GDA: variants seen among roughly 807,000 people sequenced by gnomAD.
GDA encodes the protein cytoplasmic PSD-95 interactor.
In GDA, 18 loss-of-function variants were observed where a neutral mutation model predicts 59.6. That is an observed-to-expected ratio of 0.30 (90% CI 0.21 to 0.45). The LOEUF is 0.45. Among genes scored for constraint, GDA ranks in the 20% least tolerant of loss-of-function variants. GDA has a pLI of 1.00. For missense variants in GDA, 427 were observed against 552.3 expected (o/e 0.77, Z 2.27); for synonymous variants, 201 against 201.1 (o/e 1.00, Z 0.00).
At chr9:72,145,240 A>G (rs764152426), upstream of GDA, among the ~76,000 whole-genome samples, 56 of 152,184 alleles carry the variant, frequency 3.7e-4, no homozygotes, top group Admixed American at 6.5e-4. Context: ...AAAACCATGT[A>G]CAATGTGAAA....
intron 1 of GDA, among the ~76,000 whole-genome samples, chr9:72,178,558 C>T (rs961883321): frequency 5.9e-5 from 9 of 151,884 alleles, no homozygotes; most frequent in Non-Finnish European, 1.2e-4. Context: ...GCTGGGATTA[C>T]AGGCATGTAT....
At chr9:72,210,203 T>C (rs1453076855) in intron 3 of GDA, among the ~76,000 whole-genome samples, 2 of 152,246 alleles carry the variant, frequency 1.3e-5, no homozygotes, top group Non-Finnish European at 2.9e-5. Context: ...CTCATGTCTC[T>C]CCTCTCATGT....
chr9:72,198,306 G>A (rs939671128), intron 2 of GDA, among the ~76,000 whole-genome samples: 5 of 152,078 alleles, frequency 3.3e-5, no homozygotes, highest in East Asian at 3.9e-4. Flanking sequence ...TTGGGAGGCC[G>A]AGGCAGGCGC....
chr9:72,257,400 C>T (rs779083113), downstream of GDA: 1 of 152,210 alleles, frequency 6.6e-6, no homozygotes, highest in Non-Finnish European at 1.5e-5. Flanking sequence ...TCTTATTTCC[C>T]CCACGGTGAG....
At chr9:72,255,096 G>C (rs1330156132), downstream of GDA, among the ~76,000 whole-genome samples, 4 of 152,206 alleles carry the variant, frequency 2.6e-5, no homozygotes, top group Non-Finnish European at 5.9e-5. Flanking sequence ...AGCATCTTTT[G>C]TTGAATAGTA....
chr9:72,229,147 A>G lies in GDA; in HGVS notation c.920+1107A>G, dbSNP rs1349722777. The G allele has an allele frequency of 3.4e-5, 5 of 147,604 alleles. No individual in the cohort carries two copies. In the East Asian group the frequency reaches 7.8e-4, roughly 23 times the overall value. 9.1% of individuals were successfully genotyped at this position (147,604 alleles called of 1,614,324 possible). On this transcript the variant is annotated intron_variant, in intron 9 of 13. Coordinates refer to ENST00000358399, the MANE Select transcript of GDA (RefSeq NM_004293.5). ...TCAGGAGATCGAGACCATCCCGGCTAACACGGTGAAACCCAGTCTCTACTA... is the reference window on the plus strand; with the variant it reads ...TCAGGAGATCGAGACCATCCCGGCTGACACGGTGAAACCCAGTCTCTACTA...
intron 1 of GDA, among the ~76,000 whole-genome samples, chr9:72,151,813 C>T (rs1827246401): frequency 6.6e-6 from 1 of 152,050 alleles, no homozygotes; most frequent in South Asian, 2.1e-4. Flanking sequence ...AATGTGTTAA[C>T]AGGATGGTCT....
intron 12 of GDA, among the ~76,000 whole-genome samples, chr9:72,247,040 C>A (rs2131848269): frequency 6.6e-6 from 1 of 152,226 alleles, no homozygotes; most frequent in Non-Finnish European, 1.5e-5. Flanking sequence ...CAAAACAGAA[C>A]AACAACAACA....
At chr9:72,200,114 C>A (rs548339969) in intron 2 of GDA, among the ~76,000 whole-genome samples, 1 of 151,434 alleles carries the variant, frequency 6.6e-6, no homozygotes, top group Admixed American at 6.6e-5. Context: ...TCTCCTGCCT[C>A]AGCCGCCCGA....
At position 72,249,737 on chromosome 9, in the gene GDA, ATATAT is replaced by A. The variant is rs1453224754; in HGVS notation, c.*1400_*1404del. On this transcript the variant is annotated 3_prime_UTR_variant, in exon 14 of 14. Transcript: ENST00000358399. ...CAAGGAAAAGGAATAGACTTTCTTA[ATATAT>A]TATAACACTCATTCCTAGAGCTTAG... is the stretch of plus-strand genomic sequence containing the variant. 10 of 821,684 alleles carry A rather than the reference ATATAT, an allele frequency of 1.2e-5. No individual in the cohort carries two copies. The highest frequency in any genetic ancestry group is 3.7e-5 in the African/African-American group (2 of 53,952). 50.9% of individuals were successfully genotyped at this position (821,684 alleles called of 1,614,324 possible).
chr9:72,200,469 C>T (rs935901325), intron 2 of GDA, among the ~76,000 whole-genome samples: 1 of 151,930 alleles, frequency 6.6e-6, no homozygotes, highest in African/African-American at 2.4e-5. Context: ...TTTTCTTCCT[C>T]CTCCTCTCTG....
At chr9:72,146,955 A>T (rs759815318), upstream of GDA, among the ~76,000 whole-genome samples, 1 of 152,220 alleles carries the variant, frequency 6.6e-6, no homozygotes, top group Non-Finnish European at 1.5e-5. Flanking sequence ...CACTAATGCC[A>T]TGTCACCTGG....
chr9:72,169,159 C>G (rs1025360159), intron 1 of GDA, among the ~76,000 whole-genome samples: 3 of 152,150 alleles, frequency 2.0e-5, no homozygotes, highest in African/African-American at 7.2e-5. Context: ...TACATTGTTT[C>G]ATGTCAGGGC....
rs1381991865 is a variant in GDA, at chr9:72,249,088, A to G, written c.*746A>G. 3.1e-6 allele frequency: 3 copies of G among 977,342 alleles called. No individual in the cohort carries two copies. Among genetic ancestry groups the G allele is most frequent in the Admixed American group, 6.2e-5 (1 of 16,234 alleles). 60.5% of individuals were successfully genotyped at this position (977,342 alleles called of 1,614,324 possible). ...GTCTCTTAGGAATATTATTCATGTA[A>G]CTCCATGGCATAAATAGTTGTATTT... On this transcript the variant is annotated 3_prime_UTR_variant, in exon 14 of 14. Coordinates refer to ENST00000358399, the MANE Select transcript of GDA (RefSeq NM_004293.5).
chr9:72,195,895 G>T (rs1833118945), intron 2 of GDA, among the ~76,000 whole-genome samples: 1 of 151,956 alleles, frequency 6.6e-6, no homozygotes, highest in Non-Finnish European at 1.5e-5. Flanking sequence ...GTCCTCACAG[G>T]GTTTACAGTC....
chr9:72,204,582 A>G (rs1834433782), intron 3 of GDA, among the ~76,000 whole-genome samples: 1 of 152,248 alleles, frequency 6.6e-6, no homozygotes. Context: ...AAGGTAAAGC[A>G]TATCTATGCT....
intron 10 of GDA, among the ~76,000 whole-genome samples, chr9:72,237,921 T>C (rs1839202646): frequency 1.3e-5 from 2 of 152,102 alleles, no homozygotes; most frequent in South Asian, 4.2e-4. Context: ...CGTTTCCTGC[T>C]GAACTGCTGC....
chr9:72,146,297 A>G (rs182781539), upstream of GDA, among the ~76,000 whole-genome samples: 15 of 152,174 alleles, frequency 9.9e-5, 1 homozygote, highest in African/African-American at 3.6e-4. Context: ...GGAATATTCC[A>G]TGCCAAGGCG....
At chr9:72,151,590 A>AT (rs200048097) in intron 1 of GDA, among the ~76,000 whole-genome samples, 48 of 148,788 alleles carry the variant, frequency 3.2e-4, no homozygotes, top group African/African-American at 5.7e-4. Context: ...ATGATCTGTA[A>AT]TTTTTTTTTT....
Sources: allele counts gnomAD v4.1 joint callset (sites outside exome capture counted in the v4.1 genomes callset), GRCh38; gene constraint gnomAD v4.1.1; transcripts MANE v1.5; gene names NCBI Gene and HGNC (gene_info 2026-07-23, HGNC 2026-07-21).